Variants in CACNA2D3 observed in about 807,000 individuals in gnomAD.
The protein encoded by CACNA2D3 is voltage-dependent calcium channel subunit alpha-2/delta-3.
A neutral mutation model predicts 160.6 loss-of-function variants in CACNA2D3; 60 were observed. That is an observed-to-expected ratio of 0.37 (90% CI 0.30 to 0.46). CACNA2D3 has a LOEUF of 0.46. CACNA2D3 is among the 20% of genes least tolerant of loss of function. CACNA2D3 has a pLI of 1.00. For synonymous variants in CACNA2D3, 558 were observed against 492.9 expected (o/e 1.13, Z -1.75); for missense variants, 1,205 against 1,365.0 (o/e 0.88, Z 1.85).
chr3:54,170,683 A>C (rs893984116), intron 2 of CACNA2D3, among the ~76,000 whole-genome samples: 4 of 152,126 alleles, frequency 2.6e-5, no homozygotes, highest in African/African-American at 9.7e-5. Context: ...CCAAGGGCAG[A>C]TCAGTGAGTA....
intron 5 of CACNA2D3, among the ~76,000 whole-genome samples, chr3:54,507,999 C>T (rs1701399542): frequency 6.6e-6 from 1 of 152,206 alleles, no homozygotes; most frequent in Admixed American, 6.5e-5. Flanking sequence ...ATGTTGAAAC[C>T]TAATCACCCA....
In CACNA2D3 at chr3:54,676,826, G is replaced by A. The variant is rs560641937; in HGVS notation, c.1167+34585G>A. On this transcript the variant is annotated intron_variant, in intron 11 of 37. Transcript: ENST00000474759. ...TTGTAGGCAGAGGAAAGATAGATTG[G>A]CCAGGGCTAAGAATTTTGAGGCCAT... is the stretch of plus-strand genomic sequence containing the variant. 1.4e-4 allele frequency among the ~76,000 whole-genome samples: 22 copies of A among 152,246 alleles called. No individual in the cohort carries two copies. In the East Asian group the frequency reaches 3.3e-3, roughly 23 times the overall value.
intron 5 of CACNA2D3, among the ~76,000 whole-genome samples, chr3:54,557,011 G>A (rs1702252095): frequency 6.6e-6 from 1 of 151,858 alleles, no homozygotes; most frequent in South Asian, 2.1e-4. Flanking sequence ...TTAGATGAAA[G>A]CTCCATCTAT....
chr3:54,738,601 A>G (rs902415513), intron 11 of CACNA2D3, among the ~76,000 whole-genome samples: 4 of 152,120 alleles, frequency 2.6e-5, no homozygotes, highest in African/African-American at 7.2e-5. Context: ...TTTAAAATAC[A>G]TTGTTCCTCT....
At chr3:54,957,615 C>T (rs1380831769) in intron 27 of CACNA2D3, among the ~76,000 whole-genome samples, 2 of 152,034 alleles carry the variant, frequency 1.3e-5, no homozygotes, top group African/African-American at 4.8e-5. Context: ...TAGGGAGGGC[C>T]GGTGGGGAAG....
intron 4 of CACNA2D3, among the ~76,000 whole-genome samples, chr3:54,483,562 C>A (rs547553434): frequency 6.6e-6 from 1 of 152,108 alleles, no homozygotes; most frequent in Non-Finnish European, 1.5e-5. Flanking sequence ...ATGGATTTAC[C>A]TTCTTGTATT....
At chr3:54,307,289 C>T (rs1355914719) in intron 2 of CACNA2D3, among the ~76,000 whole-genome samples, 1 of 152,122 alleles carries the variant, frequency 6.6e-6, no homozygotes, top group Non-Finnish European at 1.5e-5. Flanking sequence ...GATGTCTTCG[C>T]ATCTCAGCGT....
chr3:54,308,193 C>G (rs1271799142), intron 2 of CACNA2D3, among the ~76,000 whole-genome samples: 1 of 152,164 alleles, frequency 6.6e-6, no homozygotes, highest in Non-Finnish European at 1.5e-5. Context: ...AGCATGGACT[C>G]TGAGGCTGTG....
chr3:55,074,394 C>CTATCT lies in CACNA2D3; in HGVS notation c.*188_*189insTATCT, dbSNP rs1553644126. On this transcript the variant is annotated 3_prime_UTR_variant, in exon 38 of 38. Transcript: ENST00000474759. ...GATATGTTGACAAAAAGTTATCTAT[C>CTATCT]ATCTTTTTACTTTGCCAGTCATGCA... 2.6e-6 allele frequency: 1 copy of CTATCT among 379,134 alleles called. No homozygotes were observed. Among genetic ancestry groups the CTATCT allele is most frequent in the African/African-American group, 2.7e-5 (1 of 37,054 alleles). The allele number at this position is 379,134 out of a possible 1,614,324, so 23.5% of individuals were successfully genotyped here.
intron 3 of CACNA2D3, among the ~76,000 whole-genome samples, chr3:54,339,139 C>G (rs1462072029): frequency 6.6e-6 from 1 of 152,198 alleles, no homozygotes; most frequent in Non-Finnish European, 1.5e-5. Context: ...GTCCTGGCCA[C>G]GCCTGTCTCT....
intron 9 of CACNA2D3, among the ~76,000 whole-genome samples, chr3:54,602,115 C>A (rs781777134): frequency 6.6e-6 from 1 of 152,114 alleles, no homozygotes; most frequent in Non-Finnish European, 1.5e-5. Context: ...GCCATAGTTG[C>A]CATCAGGACT....
intron 10 of CACNA2D3, among the ~76,000 whole-genome samples, chr3:54,637,030 C>T (rs1699389531): frequency 1.3e-5 from 2 of 151,870 alleles, no homozygotes; most frequent in East Asian, 1.9e-4. Context: ...GGAGAGTATA[C>T]GGGTTTGGCA....
intron 31 of CACNA2D3, among the ~76,000 whole-genome samples, chr3:54,993,915 TG>T (rs1702796380): frequency 3.4e-5 from 5 of 148,578 alleles, no homozygotes; most frequent in African/African-American, 1.0e-4. Context: ...TGTGTGTGTG[TG>T]TGTGTTTTGT....
chr3:54,277,519 T>G (rs374270505), intron 2 of CACNA2D3, among the ~76,000 whole-genome samples: 1 of 152,328 alleles, frequency 6.6e-6, no homozygotes, highest in East Asian at 1.9e-4. Context: ...CATGCTGTTT[T>G]GGTTACTGTA....
intron 3 of CACNA2D3, among the ~76,000 whole-genome samples, chr3:54,333,486 G>A (rs150314030): frequency 5.3e-4 from 79 of 149,740 alleles, no homozygotes; most frequent in African/African-American, 1.9e-3. Flanking sequence ...TAGAAAGTAT[G>A]TTGCCTTCTC....
At chr3:54,244,123 T>A (rs188803771) in intron 2 of CACNA2D3, among the ~76,000 whole-genome samples, 27 of 152,264 alleles carry the variant, frequency 1.8e-4, no homozygotes, top group African/African-American at 6.3e-4. Context: ...AGTCCTGGTG[T>A]CCAAGTACCA....
In CACNA2D3 at chr3:54,261,096, T is replaced by C. The variant is rs539338655; in HGVS notation, c.205-59346T>C. Reference sequence around the variant, plus strand: ...CATAGTAGATGCTCAGTTTTATTTCTATTAAGAATAAATGTCTAGATAGCC... The same window carrying C: ...CATAGTAGATGCTCAGTTTTATTTCCATTAAGAATAAATGTCTAGATAGCC... On this transcript the variant is annotated intron_variant, in intron 2 of 37. Coordinates refer to ENST00000474759, the MANE Select transcript of CACNA2D3 (RefSeq NM_018398.3). Among the ~76,000 whole-genome samples, 12 of 152,356 alleles carry C rather than the reference T, an allele frequency of 7.9e-5. No homozygotes were observed. The South Asian group carries it at 1.9e-3, about 24-fold the overall frequency.
intron 27 of CACNA2D3, chr3:54,918,710 C>T (rs1190189316): frequency 1.3e-5 from 21 of 1,614,140 alleles, no homozygotes; most frequent in East Asian, 6.7e-5. Flanking sequence ...CGCTCCCCCG[C>T]GTTGTGGTTC....
chr3:54,626,107 G>A (rs1234970680), intron 9 of CACNA2D3: 1 of 595,210 alleles, frequency 1.7e-6, no homozygotes, highest in African/African-American at 1.9e-5. Flanking sequence ...ACAAAAGTGG[G>A]GATGCCTTTG....
Sources: allele counts gnomAD v4.1 joint callset (sites outside exome capture counted in the v4.1 genomes callset), GRCh38; gene constraint gnomAD v4.1.1; transcripts MANE v1.5; gene names NCBI Gene and HGNC (gene_info 2026-07-23, HGNC 2026-07-21).